Variants in SDC3 observed in about 807,000 individuals in gnomAD.
SDC3 encodes the protein syndecan 3.
SDC3 carries 13 observed loss-of-function variants against 24.4 expected under a neutral mutation model. That is an observed-to-expected ratio of 0.53 (90% CI 0.35 to 0.85). The LOEUF is 0.85. Among genes scored for constraint, SDC3 ranks in the 40% least tolerant of loss-of-function variants. The pLI, the probability that SDC3 is intolerant of heterozygous loss-of-function variation, is 0.01. For synonymous variants in SDC3, 295 were observed against 260.9 expected, an observed-to-expected ratio of 1.13 and a Z score of -1.26; for missense variants, 571 against 584.5, an observed-to-expected ratio of 0.98 and a Z score of 0.24.
At chr1:30,884,070 G>C (rs903541380) in intron 1 of SDC3, among the ~76,000 whole-genome samples, 7 of 152,174 alleles carry the variant, frequency 4.6e-5, no homozygotes, top group African/African-American at 1.7e-4. Context: ...GGACCAGGAG[G>C]GGGATGTCTC....
At chr1:30,888,107 T>TTA (rs1446466742) in intron 1 of SDC3, among the ~76,000 whole-genome samples, 3 of 152,216 alleles carry the variant, frequency 2.0e-5, no homozygotes, top group African/African-American at 7.2e-5. Flanking sequence ...AAAGCAGCCT[T>TTA]CACTGAGCAC....
chr1:30,869,860 C>A lies in SDC3; in HGVS notation c.*3351G>T. 1 of 398,600 alleles carries A rather than the reference C, an allele frequency of 2.5e-6. No individual in the cohort carries two copies. Among genetic ancestry groups the A allele is most frequent in the South Asian group, 1.3e-4 (1 of 7,848 alleles). The allele number at this position is 398,600 out of a possible 1,614,324, so 24.7% of individuals were successfully genotyped here. A position where few individuals can be genotyped will look rare whatever the true frequency, so the allele number is the denominator to read the frequency against. On this transcript the variant is annotated 3_prime_UTR_variant, in exon 5 of 5. Transcript: ENST00000339394. ...GGGCTCTCTGGAGCCACGCTGCCTA[C>A]GAAAAATATTTACATGCATTTGCCA...
intron 1 of SDC3, among the ~76,000 whole-genome samples, chr1:30,901,724 A>G (rs1458064173): frequency 6.6e-6 from 1 of 152,050 alleles, no homozygotes; most frequent in African/African-American, 2.4e-5. Flanking sequence ...TCTCCAAAAG[A>G]AAACCCTGCT....
In SDC3 at chr1:30,874,466, A is replaced by T. The variant is rs370440610; in HGVS notation, c.993T>A (p.Asn331Lys). 1 of 1,614,086 alleles carries T rather than the reference A, an allele frequency of 6.2e-7. No individual in the cohort carries two copies. The highest frequency in any genetic ancestry group is 1.1e-5 in the South Asian group (1 of 91,070). Reference protein sequence around the residue: ...EEETTQPDTANEVVAVGGAAA... With the variant: ...EEETTQPDTAKEVVAVGGAAA... The stretch of plus-strand genomic sequence containing the variant: ...CAGCCCCTCCCACAGCTACCACCTC[A>T]TTGGCTGTGTCTGGTTGTGTGGTCT... The change falls in exon 4 of 5, where the codon AAT (asparagine) becomes AAA (lysine). Residue 331 changes from asparagine to lysine, a missense_variant. By Grantham distance (94) the Asn-to-Lys change is moderately conservative. Coordinates refer to ENST00000339394, the MANE Select transcript of SDC3 (RefSeq NM_014654.4).
chr1:30,908,465 G>A lies in SDC3; in HGVS notation c.122C>T (p.Ala41Val), dbSNP rs1244424084. The change falls in exon 1 of 5, where the codon GCG becomes GTG. Residue 41 changes from alanine (A) to valine (V), a missense_variant. By Grantham distance (64) the Ala-to-Val change is moderately conservative. Coordinates refer to ENST00000339394, the MANE Select transcript of SDC3 (RefSeq NM_014654.4). ...GTCACTCACCCCCGCGGCGCGCCCC[G>A]CCAGCAGCAGCAGCAGCAGCGGTGG... ...LLPPLLLLLL[A>V]GRAAGAQRWR... 9.6e-7 allele frequency: 1 copy of A among 1,036,514 alleles called. No homozygotes were observed. Among genetic ancestry groups the A allele is most frequent in the South Asian group, 3.1e-5 (1 of 32,426 alleles). The allele number at this position is 1,036,514 out of a possible 1,614,324, so 64.2% of individuals were successfully genotyped here.
intron 1 of SDC3, among the ~76,000 whole-genome samples, chr1:30,901,198 T>A (rs1638408208): frequency 6.6e-6 from 1 of 152,052 alleles, no homozygotes; most frequent in African/African-American, 2.4e-5. Context: ...AGTGGGACCA[T>A]CTAAGGCTGG....
In SDC3 at chr1:30,869,522, A is replaced by G. The variant is rs1639489444; in HGVS notation, c.*3689T>C. On this transcript the variant is annotated 3_prime_UTR_variant, in exon 5 of 5. Transcript: ENST00000339394. ...AATGGGCACAGCACAGGAAGTGTTA[A>G]AAAAACAAACAAACAAAAAAAAAAA... 4.0e-6 allele frequency: 1 copy of G among 252,596 alleles called. No homozygotes were observed. The highest frequency in any genetic ancestry group is 6.3e-6 in the Non-Finnish European group (1 of 159,584). 15.6% of individuals were successfully genotyped at this position (252,596 alleles called of 1,614,324 possible). A position where few individuals can be genotyped will look rare whatever the true frequency, so the allele number is the denominator to read the frequency against.
chr1:30,887,936 G>A (rs569118374), intron 1 of SDC3, among the ~76,000 whole-genome samples: 69 of 152,352 alleles, frequency 4.5e-4, no homozygotes, highest in Admixed American at 8.5e-4. Context: ...CCAAAATCCA[G>A]CCAGGAGGAC....
chr1:30,878,665 C>G lies in SDC3; in HGVS notation c.214G>C (p.Asp72His). ...EGSGDDDSFP[D>H]DELDDLYSGS... ...GAGTAGAGGTCATCCAGTTCATCAT[C>G]GGGAAAGGAGTCATCATCCCCAGAG... Residue 72 changes from aspartate to histidine, a missense_variant, in exon 2 of 5, where the codon GAT becomes CAT. Transcript: ENST00000339394. 6.2e-7 allele frequency: 1 copy of G among 1,614,178 alleles called. No homozygotes were observed. The highest frequency in any genetic ancestry group is 1.1e-5 in the South Asian group (1 of 91,078).
intron 1 of SDC3, among the ~76,000 whole-genome samples, chr1:30,898,431 G>A (rs1332904453): frequency 6.6e-6 from 1 of 152,102 alleles, no homozygotes; most frequent in Non-Finnish European, 1.5e-5. Flanking sequence ...GCCCCCTGGG[G>A]GTCCCTAGTG....
chr1:30,895,984 C>G (rs75214128), intron 1 of SDC3, among the ~76,000 whole-genome samples: 9,879 of 152,170 alleles, frequency 0.065, 1,008 homozygotes, highest in African/African-American at 0.22. Context: ...GTCTGTCCAC[C>G]CTCCAGAAAG....
chr1:30,901,046 C>T (rs746498151), intron 1 of SDC3, among the ~76,000 whole-genome samples: 22 of 152,284 alleles, frequency 1.4e-4, no homozygotes, highest in African/African-American at 4.6e-4. Context: ...TCAGATGGGG[C>T]TCCAGGGTAG....
At chr1:30,887,671 T>C (rs924330525) in intron 1 of SDC3, among the ~76,000 whole-genome samples, 1 of 152,202 alleles carries the variant, frequency 6.6e-6, no homozygotes, top group African/African-American at 2.4e-5. Context: ...CCCCCTCCAA[T>C]TGCTCCTGGT....
intron 1 of SDC3, among the ~76,000 whole-genome samples, chr1:30,892,161 C>A (rs1249145773): frequency 6.6e-6 from 1 of 152,086 alleles, no homozygotes. Flanking sequence ...GCTCAAGGAC[C>A]CTGAGTGCCC....
chr1:30,884,704 C>T (rs1033493593), intron 1 of SDC3, among the ~76,000 whole-genome samples: 6 of 152,302 alleles, frequency 3.9e-5, no homozygotes, highest in South Asian at 2.1e-4. Context: ...CTTTCCTTTG[C>T]CCCATTTGCA....
At position 30,874,520 on chromosome 1, in the gene SDC3, G is replaced by C. The variant is rs376698830; in HGVS notation, c.939C>G (p.Pro313=). Residue 313 remains proline, a synonymous_variant, in exon 4 of 5, where the codon CCC becomes CCG. Coordinates refer to ENST00000339394, the MANE Select transcript of SDC3 (RefSeq NM_014654.4). ...DEPEVPVSGG[P]SGDFELPEEE... is the part of the protein sequence containing the mutation. ...CTTCTGGCAGCTCGAAGTCTCCACT[G>C]GGCCCCCCACTCACCGGAACCTCTG... 21 of 1,613,998 alleles carry C rather than the reference G, an allele frequency of 1.3e-5. No individual in the cohort carries two copies. Among genetic ancestry groups the C allele is most frequent in the Non-Finnish European group, 1.5e-5 (18 of 1,180,024 alleles).
upstream of SDC3, among the ~76,000 whole-genome samples, chr1:30,909,069 G>A (rs371063015): frequency 1.3e-4 from 20 of 152,258 alleles, no homozygotes; most frequent in South Asian, 4.1e-3. Flanking sequence ...TGGGATACCA[G>A]GGCCCGGGCC....
chr1:30,897,065 A>C (rs749887292), intron 1 of SDC3, among the ~76,000 whole-genome samples: 4 of 152,192 alleles, frequency 2.6e-5, no homozygotes, highest in Non-Finnish European at 4.4e-5. Flanking sequence ...TATTGGGCAT[A>C]TATGGGCAGC....
In SDC3 at chr1:30,876,558, C is replaced by T; in HGVS notation, c.864G>A (p.Val288=). Residue 288 remains valine, a synonymous_variant, in exon 3 of 5, where the codon GTG becomes GTA. Transcript: ENST00000339394. ...LGTTAPGPTE[V]AQTPTPETFL... ...CCCTTCTCAACACCCTCACCTGAGC[C>T]ACCTCTGTGGGTCCAGGGGCAGTGG... 1 of 1,515,514 alleles carries T rather than the reference C, an allele frequency of 6.6e-7. No homozygotes were observed. The highest frequency in any genetic ancestry group is 1.3e-5 in the South Asian group (1 of 75,144). 93.9% of individuals were successfully genotyped at this position (1,515,514 alleles called of 1,614,324 possible).
Sources: gnomAD v4.1 joint callset for allele counts (sites outside exome capture counted in the v4.1 genomes callset) on GRCh38, gnomAD v4.1.1 for gene constraint, MANE v1.5 for transcripts, NCBI Gene and HGNC (gene_info 2026-07-23, HGNC 2026-07-21) for gene names.